Variants in SNTG2 observed in about 807,000 individuals in gnomAD.
SNTG2 encodes gamma-2-syntrophin.
A neutral mutation model predicts 70.9 loss-of-function variants in SNTG2; 74 were observed. The ratio of observed to expected loss-of-function variants is 1.04; its 90% CI spans 0.86 to 1.27. The LOEUF is 1.27. Ranked by LOEUF, SNTG2 falls within the 50% of genes most tolerant of loss-of-function variation. The pLI is 0.00. For synonymous variants in SNTG2, 278 were observed against 273.8 expected (o/e 1.02, Z -0.15); for missense variants, 717 against 690.7 (o/e 1.04, Z -0.43).
chr2:1,014,350 G>T (rs56407120), intron 1 of SNTG2, among the ~76,000 whole-genome samples: 32 of 74,212 alleles, frequency 4.3e-4, no homozygotes, highest in African/African-American at 1.1e-3. Context: ...GGGTGGTCTG[G>T]AGAGGGATTT....
intron 1 of SNTG2, among the ~76,000 whole-genome samples, chr2:1,004,400 T>G (rs1176423320): frequency 6.6e-6 from 1 of 152,242 alleles, no homozygotes; most frequent in East Asian, 1.9e-4. Flanking sequence ...CAAAGACTTG[T>G]AGAAAGTATT....
At chr2:1,115,018 G>A (rs1446273969) in intron 4 of SNTG2, among the ~76,000 whole-genome samples, 6 of 151,866 alleles carry the variant, frequency 4.0e-5, no homozygotes, top group African/African-American at 1.2e-4. Context: ...GGAGGATCGT[G>A]TGTACTAAGT....
chr2:1,118,553 A>T (rs192602797), intron 4 of SNTG2, among the ~76,000 whole-genome samples: 172 of 152,280 alleles, frequency 1.1e-3, no homozygotes, highest in African/African-American at 3.9e-3. Flanking sequence ...AGAGATAAGA[A>T]TCAGATAGCA....
chr2:1,054,813 T>C (rs1662286101), intron 1 of SNTG2, among the ~76,000 whole-genome samples: 1 of 152,190 alleles, frequency 6.6e-6, no homozygotes, highest in South Asian at 2.1e-4. Context: ...ATTGGGAAAA[T>C]GAAGAAAGTA....
intron 8 of SNTG2, among the ~76,000 whole-genome samples, chr2:1,178,036 T>C (rs1422365239): frequency 6.6e-6 from 1 of 152,170 alleles, no homozygotes; most frequent in African/African-American, 2.4e-5. Context: ...TGGCATGATA[T>C]CAAGGGAAAA....
chr2:1,041,280 GA>G, intron 1 of SNTG2, among the ~76,000 whole-genome samples: 1 of 152,172 alleles, frequency 6.6e-6, no homozygotes, highest in East Asian at 1.9e-4. Flanking sequence ...TGCCTGCAAG[GA>G]AACTTTGCTA....
intron 16 of SNTG2, among the ~76,000 whole-genome samples, chr2:1,366,712 C>G (rs987986677): frequency 6.6e-6 from 1 of 152,172 alleles, no homozygotes; most frequent in Non-Finnish European, 1.5e-5. Context: ...ACACAGCAGG[C>G]GCTGTTCCTC....
intron 11 of SNTG2, among the ~76,000 whole-genome samples, chr2:1,244,150 G>T (rs28549763): frequency 0.35 from 53,340 of 152,090 alleles, 11,659 homozygotes; most frequent in African/African-American, 0.63. Flanking sequence ...TAATTAGGCT[G>T]TGACCCTTAG....
At chr2:1,085,609 C>G (rs768163643) in intron 2 of SNTG2, among the ~76,000 whole-genome samples, 2 of 152,248 alleles carry the variant, frequency 1.3e-5, no homozygotes, top group Non-Finnish European at 2.9e-5. Context: ...AAGAGCAAAA[C>G]TAGCTTTACC....
intron 4 of SNTG2, among the ~76,000 whole-genome samples, chr2:1,132,680 G>A (rs1021673014): frequency 1.3e-5 from 2 of 152,180 alleles, no homozygotes; most frequent in African/African-American, 2.4e-5. Flanking sequence ...GCTGTTAGGC[G>A]GGTTAGCCAT....
At chr2:1,123,087 T>G (rs1414106919) in intron 4 of SNTG2, among the ~76,000 whole-genome samples, 4 of 152,188 alleles carry the variant, frequency 2.6e-5, no homozygotes, top group Non-Finnish European at 5.9e-5. Flanking sequence ...TGGAAAGATA[T>G]TTTGGGCTCA....
chr2:1,275,592 C>T (rs1026668974), intron 14 of SNTG2, among the ~76,000 whole-genome samples: 8 of 152,236 alleles, frequency 5.3e-5, no homozygotes, highest in Admixed American at 2.6e-4. Context: ...ACTGACCAGT[C>T]GTTTTCTCAT....
intron 16 of SNTG2, among the ~76,000 whole-genome samples, chr2:1,357,987 G>A (rs1022137206): frequency 3.9e-5 from 6 of 152,160 alleles, no homozygotes; most frequent in Non-Finnish European, 8.8e-5. Flanking sequence ...TTTGGACTCT[G>A]TGAAATCAAA....
intron 4 of SNTG2, among the ~76,000 whole-genome samples, chr2:1,112,957 T>A (rs1319897271): frequency 1.4e-5 from 2 of 144,364 alleles, no homozygotes; most frequent in Non-Finnish European, 3.0e-5. Flanking sequence ...TACATTTCAT[T>A]GAGGAGGATT....
In SNTG2 at chr2:953,130, C is replaced by T. The variant is rs188521301; in HGVS notation, c.72+2062C>T. Among the ~76,000 whole-genome samples, 343 of 152,284 alleles carry T rather than the reference C, an allele frequency of 2.3e-3. 2 individuals carry two copies. The highest frequency in any genetic ancestry group is 8.0e-3 in the African/African-American group (332 of 41,562). Reference sequence around the variant, plus strand: ...TGGCCACGTTTGAAGGTCTCCTGTTCGGTAACAGACCTGTTTTGTTTCCCC... The same window carrying T: ...TGGCCACGTTTGAAGGTCTCCTGTTTGGTAACAGACCTGTTTTGTTTCCCC... On this transcript the variant is annotated intron_variant, in intron 1 of 16. Transcript: ENST00000308624.
At chr2:1,285,337 A>G (rs991766402) in intron 14 of SNTG2, among the ~76,000 whole-genome samples, 2 of 152,180 alleles carry the variant, frequency 1.3e-5, no homozygotes, top group South Asian at 2.1e-4. Flanking sequence ...AATCCAATCA[A>G]GTTGACACTC....
At chr2:1,215,602 C>T (rs573431278) in intron 9 of SNTG2, among the ~76,000 whole-genome samples, 220 of 151,344 alleles carry the variant, frequency 1.5e-3, no homozygotes, top group African/African-American at 5.0e-3. Flanking sequence ...ACGTGCACAA[C>T]GTGCAGGTTC....
intron 14 of SNTG2, 46 bp downstream of exon 14, chr2:1,267,617 T>C (rs772238089): frequency 6.5e-7 from 1 of 1,538,784 alleles, no homozygotes; most frequent in Non-Finnish European, 9.0e-7. Context: ...TGCTCGGGTG[T>C]CTGAGACATA....
intron 9 of SNTG2, among the ~76,000 whole-genome samples, chr2:1,214,990 T>C (rs916574734): frequency 1.3e-5 from 2 of 152,216 alleles, no homozygotes; most frequent in African/African-American, 4.8e-5. Context: ...ATTGCTACAA[T>C]GTTATGGTTT....
Sources: allele counts gnomAD v4.1 joint callset (sites outside exome capture counted in the v4.1 genomes callset), GRCh38; gene constraint gnomAD v4.1.1; transcripts MANE v1.5; gene names NCBI Gene and HGNC (gene_info 2026-07-23, HGNC 2026-07-21).